The following FARSB variants were observed in gnomAD, a reference collection of about 807,000 sequenced individuals.
The protein encoded by FARSB is phenylalanine--tRNA ligase beta subunit.
A neutral mutation model predicts 69.6 loss-of-function variants in FARSB; 40 were observed. That is an observed-to-expected ratio of 0.57 (90% CI 0.45 to 0.75). The LOEUF is 0.75. Among genes scored for constraint, FARSB ranks in the 30% least tolerant of loss-of-function variants. The pLI is 0.00. For synonymous variants in FARSB, 235 were observed against 247.2 expected (o/e 0.95, Z 0.46); for missense variants, 632 against 722.9 (o/e 0.87, Z 1.44).
intron 4 of FARSB, among the ~76,000 whole-genome samples, chr2:222,640,556 A>G (rs1336120258): frequency 2.0e-5 from 3 of 152,088 alleles, no homozygotes; most frequent in Non-Finnish European, 4.4e-5. Context: ...CTCAGGAATG[A>G]GACCAGCCTG....
intron 3 of FARSB, among the ~76,000 whole-genome samples, chr2:222,641,691 T>A (rs1377537019): frequency 6.6e-5 from 10 of 152,216 alleles, no homozygotes; most frequent in African/African-American, 2.2e-4. Flanking sequence ...AAAATACAGA[T>A]TCTCACTGGG....
chr2:222,626,991 G>A (rs1042159592), intron 10 of FARSB, among the ~76,000 whole-genome samples: 16 of 152,192 alleles, frequency 1.1e-4, no homozygotes, highest in Admixed American at 7.9e-4. Flanking sequence ...AGCCGAGATC[G>A]CGCCACTGCA....
rs1689695257 is a variant in FARSB at position 222,570,371 on chromosome 2, G to A, written c.*1500C>T. 1.3e-5 allele frequency among the ~76,000 whole-genome samples: 2 copies of A among 152,082 alleles called. No homozygotes were observed. Among genetic ancestry groups the A allele is most frequent in the Non-Finnish European group, 2.9e-5 (2 of 68,012 alleles). ...ATCTGCTTATAACAGAGCTGTGAAG[G>A]GTCAGCTGGAAGTGTGTGTGTTCAC... is the stretch of plus-strand genomic sequence containing the variant. On this transcript the variant is annotated 3_prime_UTR_variant, in exon 17 of 17. Coordinates refer to ENST00000281828, the MANE Select transcript of FARSB (RefSeq NM_005687.5).
At position 222,634,552 on chromosome 2, in the gene FARSB, A is replaced by G; in HGVS notation, c.456-11T>C. The G allele has an allele frequency of 6.2e-7, 1 of 1,607,198 alleles. No homozygotes were observed. Among genetic ancestry groups the G allele is most frequent in the Non-Finnish European group, 8.5e-7 (1 of 1,176,462 alleles). ...ACCAGTGCTCTTTTCCTAATTGTTG[A>G]GAGGTTGAGGGAGAAGGAGGGAGGA... On this transcript the variant is annotated splice_polypyrimidine_tract_variant and intron_variant, in intron 5 of 16. Coordinates refer to ENST00000281828, the MANE Select transcript of FARSB (RefSeq NM_005687.5).
At chr2:222,600,157 C>T (rs886346630) in intron 15 of FARSB, 74 bp from the exon 16 acceptor site, 2 of 1,265,964 alleles carry the variant, frequency 1.6e-6, no homozygotes, top group Non-Finnish European at 2.2e-6. Flanking sequence ...CCAGTACAAA[C>T]TTAGAAAAAG....
chr2:222,579,621 A>G (rs1689920189), intron 16 of FARSB, among the ~76,000 whole-genome samples: 1 of 152,214 alleles, frequency 6.6e-6, no homozygotes, highest in African/African-American at 2.4e-5. Flanking sequence ...CTCCTTCTGA[A>G]TTTAAACTCC....
At position 222,577,688 on chromosome 2, in the gene FARSB, C is replaced by T. The variant is rs188991313; in HGVS notation, c.1619-5666G>A. Reference sequence around the variant, plus strand: ...TCTTCAATAAACAACCATCTTTTAACAATTACCACAATCTCCTTGTGACTA... The same window carrying T: ...TCTTCAATAAACAACCATCTTTTAATAATTACCACAATCTCCTTGTGACTA... On this transcript the variant is annotated intron_variant, in intron 16 of 16. Coordinates refer to ENST00000281828, the MANE Select transcript of FARSB (RefSeq NM_005687.5). 1.8e-3 allele frequency among the ~76,000 whole-genome samples: 274 copies of T among 152,312 alleles called. 1 individual carries two copies. The highest frequency in any genetic ancestry group is 6.4e-3 in the African/African-American group (264 of 41,570).
intron 16 of FARSB, among the ~76,000 whole-genome samples, chr2:222,582,007 T>A (rs1370060049): frequency 6.6e-6 from 1 of 152,046 alleles, no homozygotes; most frequent in Non-Finnish European, 1.5e-5. Context: ...TATGGAGGGG[T>A]GTTTGGCAGT....
intron 5 of FARSB, 112 bp from the exon 6 acceptor site, chr2:222,634,653 A>C (rs570220746): frequency 1.8e-5 from 13 of 731,744 alleles, no homozygotes; most frequent in African/African-American, 1.4e-4. Flanking sequence ...TATAGACTAC[A>C]TATTTTTTTT....
chr2:222,587,034 C>T (rs1377608486), intron 16 of FARSB, among the ~76,000 whole-genome samples: 2 of 152,194 alleles, frequency 1.3e-5, no homozygotes, highest in Admixed American at 6.5e-5. Flanking sequence ...AACTCTCCAT[C>T]CCAAATCAAC....
At chr2:222,605,245 A>T (rs564397357) in intron 15 of FARSB, among the ~76,000 whole-genome samples, 1 of 151,668 alleles carries the variant, frequency 6.6e-6, no homozygotes, top group East Asian at 1.9e-4. Flanking sequence ...AAATGAAACG[A>T]AACAGAACTA....
intron 16 of FARSB, among the ~76,000 whole-genome samples, chr2:222,597,553 C>T (rs1690451872): frequency 6.6e-6 from 1 of 152,020 alleles, no homozygotes; most frequent in Admixed American, 6.6e-5. Context: ...CAAATTATAA[C>T]ATCATAAGTT....
intron 4 of FARSB, 93 bp from the exon 5 acceptor site, chr2:222,639,788 C>T (rs1021553363): frequency 6.6e-5 from 31 of 468,472 alleles, no homozygotes; most frequent in South Asian, 1.7e-4. Context: ...TTGCCACTGG[C>T]ATACATTTTC....
intron 16 of FARSB, among the ~76,000 whole-genome samples, chr2:222,582,826 G>A (rs1271152804): frequency 6.6e-6 from 1 of 151,844 alleles, no homozygotes; most frequent in Non-Finnish European, 1.5e-5. Context: ...TCGGGAGGCT[G>A]AGGCAGGAGA....
intron 16 of FARSB, among the ~76,000 whole-genome samples, chr2:222,587,104 G>C (rs1033715241): frequency 4.6e-5 from 7 of 152,152 alleles, no homozygotes; most frequent in Non-Finnish European, 7.3e-5. Flanking sequence ...CACATAGTTG[G>C]AAGTAAAGCA....
At chr2:222,655,496 C>A (rs12467920) in intron 1 of FARSB, among the ~76,000 whole-genome samples, 4,459 of 152,236 alleles carry the variant, frequency 0.029, 107 homozygotes, top group African/African-American at 0.068. Flanking sequence ...TCAGACAGAA[C>A]GTGGACCTGA....
At chr2:222,643,616 G>A (rs1691776231) in intron 2 of FARSB, among the ~76,000 whole-genome samples, 1 of 152,046 alleles carries the variant, frequency 6.6e-6, no homozygotes, top group Admixed American at 6.6e-5. Flanking sequence ...AAATCCTGTG[G>A]GCACCCAAGT....
chr2:222,602,923 G>A (rs920133494), intron 15 of FARSB, among the ~76,000 whole-genome samples: 4 of 151,604 alleles, frequency 2.6e-5, no homozygotes, highest in Admixed American at 6.6e-5. Context: ...TTCCCTTAGA[G>A]CTTGAAATTA....
At chr2:222,604,036 G>A (rs1690637765) in intron 15 of FARSB, among the ~76,000 whole-genome samples, 3 of 151,896 alleles carry the variant, frequency 2.0e-5, no homozygotes, top group Admixed American at 6.6e-5. Flanking sequence ...CTAACATGGT[G>A]AAACTCCGTC....
Sources: allele counts gnomAD v4.1 joint callset (sites outside exome capture counted in the v4.1 genomes callset), GRCh38; gene constraint gnomAD v4.1.1; transcripts MANE v1.5; gene names NCBI Gene and HGNC (gene_info 2026-07-23, HGNC 2026-07-21).